The following SLC26A7 variants were observed in gnomAD, a reference collection of about 807,000 sequenced individuals.
SLC26A7 encodes anion exchange transporter.
A neutral mutation model predicts 82.5 loss-of-function variants in SLC26A7; 59 were observed. The ratio of observed to expected loss-of-function variants is 0.72; its 90% CI spans 0.58 to 0.89. SLC26A7 has a LOEUF of 0.89. Among genes scored for constraint, SLC26A7 ranks in the 40% least tolerant of loss-of-function variants. The probability of loss-of-function intolerance (pLI) is 0.00; values close to 1 mark genes in which losing one functional copy is unlikely to be tolerated. For missense variants in SLC26A7, 820 were observed against 793.0 expected (o/e 1.03, Z -0.41); for synonymous variants, 271 against 274.3 (o/e 0.99, Z 0.12).
intron 15 of SLC26A7, among the ~76,000 whole-genome samples, chr8:91,384,012 T>C (rs1231543006): frequency 6.6e-6 from 1 of 152,194 alleles, no homozygotes; most frequent in African/African-American, 2.4e-5. Context: ...CCCTTATTAC[T>C]CATTTCCCAA....
At chr8:91,285,585 T>C (rs1811689386) in intron 2 of SLC26A7, among the ~76,000 whole-genome samples, 1 of 152,260 alleles carries the variant, frequency 6.6e-6, no homozygotes, top group Admixed American at 6.5e-5. Flanking sequence ...ATTCAACCCA[T>C]AAAGCATAAA....
chr8:91,303,070 C>A (rs192631067), intron 4 of SLC26A7, among the ~76,000 whole-genome samples: 1 of 151,964 alleles, frequency 6.6e-6, no homozygotes, highest in Non-Finnish European at 1.5e-5. Context: ...CAGTTTTGTA[C>A]TATTAGTATT....
At chr8:91,320,711 G>A (rs932034093) in intron 5 of SLC26A7, among the ~76,000 whole-genome samples, 2 of 152,188 alleles carry the variant, frequency 1.3e-5, no homozygotes, top group Admixed American at 6.5e-5. Flanking sequence ...ATGTAGAGCA[G>A]AAGACATCAT....
intron 4 of SLC26A7, among the ~76,000 whole-genome samples, chr8:91,300,523 A>G (rs1050841736): frequency 6.6e-6 from 1 of 150,642 alleles, no homozygotes; most frequent in Non-Finnish European, 1.5e-5. Context: ...TCAGCCTCCC[A>G]AGTAGCTGGG....
chr8:91,337,737 C>T (rs921258777), intron 6 of SLC26A7, among the ~76,000 whole-genome samples: 4 of 152,168 alleles, frequency 2.6e-5, no homozygotes, highest in African/African-American at 9.7e-5. Flanking sequence ...ATATCTCAAA[C>T]TCTTGAAAGG....
chr8:91,379,945 G>T (rs186338517), intron 15 of SLC26A7, among the ~76,000 whole-genome samples: 325 of 151,994 alleles, frequency 2.1e-3, no homozygotes, highest in Non-Finnish European at 3.9e-3. Flanking sequence ...GTAAAAAAAG[G>T]CAAACAACTC....
At chr8:91,277,416 C>T (rs1359158970) in intron 2 of SLC26A7, among the ~76,000 whole-genome samples, 2 of 152,132 alleles carry the variant, frequency 1.3e-5, no homozygotes, top group East Asian at 3.8e-4. Flanking sequence ...TTTTCATGCT[C>T]ATATATTTTT....
At position 91,366,725 on chromosome 8, in the gene SLC26A7, C is replaced by A. The variant is rs374301726; in HGVS notation, c.1626+8C>A. On this transcript the variant is annotated splice_region_variant and intron_variant, in intron 14 of 18. Transcript: ENST00000276609. ...CTTGATGATATCAGCAAGGTAGGAT[C>A]AATGGTTTGATTAGAATGTCATACT... 6.2e-7 allele frequency: 1 copy of A among 1,606,558 alleles called. No homozygotes were observed. Among genetic ancestry groups the A allele is most frequent in the South Asian group, 1.1e-5 (1 of 89,840 alleles).
intron 4 of SLC26A7, among the ~76,000 whole-genome samples, chr8:91,310,851 C>CA (rs71273694): frequency 0.21 from 31,404 of 152,034 alleles, 4,427 homozygotes; most frequent in African/African-American, 0.39. Context: ...AACCCCAAGT[C>CA]AAAGGTCAAA....
At chr8:91,340,616 T>A (rs776301638) in intron 8 of SLC26A7, 65 bp downstream of exon 8, 1 of 1,587,054 alleles carries the variant, frequency 6.3e-7, no homozygotes, top group South Asian at 1.1e-5. Flanking sequence ...TCCCAGATCC[T>A]AAAAATGATG....
intron 14 of SLC26A7, among the ~76,000 whole-genome samples, chr8:91,367,093 C>T (rs749045597): frequency 2.0e-5 from 3 of 151,844 alleles, no homozygotes; most frequent in Non-Finnish European, 2.9e-5. Flanking sequence ...CTGCAAGCTC[C>T]GCCTCCCGGG....
At chr8:91,341,060 A>G (rs1813397317) in intron 8 of SLC26A7, among the ~76,000 whole-genome samples, 1 of 151,532 alleles carries the variant, frequency 6.6e-6, no homozygotes, top group East Asian at 2.0e-4. Flanking sequence ...ATATGTATAC[A>G]TGTGCCATGC....
intron 4 of SLC26A7, among the ~76,000 whole-genome samples, chr8:91,298,863 G>C (rs570459984): frequency 2.5e-4 from 38 of 152,154 alleles, no homozygotes; most frequent in African/African-American, 8.9e-4. Context: ...GGGTCAAAAG[G>C]TAAATTCAAA....
At chr8:91,328,633 T>G (rs1812996089) in intron 5 of SLC26A7, among the ~76,000 whole-genome samples, 1 of 152,130 alleles carries the variant, frequency 6.6e-6, no homozygotes, top group South Asian at 2.1e-4. Flanking sequence ...TTCAACAAAA[T>G]TTATTGAGTA....
At chr8:91,238,826 T>A (rs1810427292) in intron 2 of SLC26A7, among the ~76,000 whole-genome samples, 1 of 152,038 alleles carries the variant, frequency 6.6e-6, no homozygotes, top group Admixed American at 6.6e-5. Context: ...TGACTCCAAA[T>A]AATAAGAACG....
intron 4 of SLC26A7, among the ~76,000 whole-genome samples, chr8:91,306,656 G>C (rs906008412): frequency 6.6e-6 from 1 of 151,850 alleles, no homozygotes; most frequent in African/African-American, 2.4e-5. Context: ...CACAATTAAT[G>C]AACCAGATTG....
rs1269297117 is a variant in SLC26A7, at chr8:91,317,645, T to C, written c.478-571T>C. Among the ~76,000 whole-genome samples, 3 of 152,170 alleles carry C rather than the reference T, an allele frequency of 2.0e-5. No individual in the cohort carries two copies. In the East Asian group the frequency reaches 5.8e-4, roughly 29 times the overall value. On this transcript the variant is annotated intron_variant, in intron 4 of 18. Transcript: ENST00000276609. The stretch of plus-strand genomic sequence containing the variant: ...CATTTCTCAGAATCTGGGAGAATCT[T>C]GAGGAATGGCTTTCTTTCTTCAACG...
intron 4 of SLC26A7, among the ~76,000 whole-genome samples, chr8:91,310,110 T>G (rs1354059655): frequency 6.6e-6 from 1 of 152,026 alleles, no homozygotes; most frequent in Non-Finnish European, 1.5e-5. Flanking sequence ...CAATTATTAT[T>G]TTAGAGAAAC....
intron 1 of SLC26A7, among the ~76,000 whole-genome samples, chr8:91,210,510 A>C (rs1226802296): frequency 2.0e-5 from 3 of 151,860 alleles, no homozygotes; most frequent in African/African-American, 7.3e-5. Flanking sequence ...CATTCAGGTC[A>C]GATAGATAGA....
Sources: allele counts gnomAD v4.1 joint callset (sites outside exome capture counted in the v4.1 genomes callset), GRCh38; gene constraint gnomAD v4.1.1; transcripts MANE v1.5; gene names NCBI Gene and HGNC (gene_info 2026-07-23, HGNC 2026-07-21).